Variants in RMC1 observed in about 807,000 individuals in gnomAD.
The protein encoded by RMC1 is regulator of MON1-CCZ1.
Under a neutral mutation model 95.5 loss-of-function variants are expected in RMC1, and 44 were observed. The ratio of observed to expected loss-of-function variants is 0.46; its 90% CI spans 0.36 to 0.59. The LOEUF is 0.59. RMC1 is among the 20% of genes least tolerant of loss of function. The probability of loss-of-function intolerance (pLI) is 0.00; values close to 1 mark genes in which losing one functional copy is unlikely to be tolerated. For missense variants in RMC1, 705 were observed against 819.6 expected (o/e 0.86, Z 1.71); for synonymous variants, 320 against 303.6 (o/e 1.05, Z -0.56).
In RMC1 at chr18:23,508,000, A is replaced by C. The variant is rs1689896207; in HGVS notation, c.280A>C (p.Ile94Leu). 1 of 1,610,786 alleles carries C rather than the reference A, an allele frequency of 6.2e-7. No individual in the cohort carries two copies. Among genetic ancestry groups the C allele is most frequent in the Non-Finnish European group, 8.5e-7 (1 of 1,178,774 alleles). ...TSKTVDFCNF[I>L]PDNSQLEYTQ... is the part of the protein sequence containing the mutation. ...TTCCTTTCAGGATTTTTGTAATTTT[A>C]TCCCTGATAATTCCCAGCTGGAATA... The change falls in exon 4 of 20, where the codon ATC (isoleucine) becomes CTC (leucine). Residue 94 changes from isoleucine to leucine, a missense_variant. Coordinates refer to ENST00000269221, the MANE Select transcript of RMC1 (RefSeq NM_013326.5).
chr18:23,527,986 T>G, intron 14 of RMC1, 85 bp downstream of exon 14: 1 of 1,136,692 alleles, frequency 8.8e-7, no homozygotes, highest in Admixed American at 2.6e-5. Flanking sequence ...CAAAATTGTT[T>G]CCTATATATT....
At chr18:23,507,645 T>G (rs1049683670) in intron 3 of RMC1, among the ~76,000 whole-genome samples, 9 of 152,222 alleles carry the variant, frequency 5.9e-5, no homozygotes, top group African/African-American at 2.2e-4. Flanking sequence ...GTTAGTTTCT[T>G]CCATCAGTTT....
intron 14 of RMC1, chr18:23,528,162 C>A: frequency 2.9e-6 from 1 of 350,116 alleles, no homozygotes; most frequent in East Asian, 5.5e-5. Context: ...TTGATCTTGC[C>A]TGTAGATCCT....
chr18:23,527,306 G>A (rs1484435936), intron 13 of RMC1, among the ~76,000 whole-genome samples: 5 of 151,994 alleles, frequency 3.3e-5, no homozygotes, highest in African/African-American at 1.2e-4. Flanking sequence ...GGCTGCCGAG[G>A]GAGGATTCCT....
chr18:23,530,711 T>TA, intron 19 of RMC1, 99 bp downstream of exon 19: 5 of 1,137,430 alleles, frequency 4.4e-6, no homozygotes, highest in Non-Finnish European at 6.2e-6. Flanking sequence ...AGCATTTTTG[T>TA]AAACAACACA....
intron 7 of RMC1, among the ~76,000 whole-genome samples, chr18:23,517,018 G>C (rs2058026420): frequency 6.6e-6 from 1 of 151,998 alleles, no homozygotes; most frequent in South Asian, 2.1e-4. Context: ...GAGCCACTGT[G>C]CCTGGCCAAG....
Position 23,507,967 on chromosome 18 carries a change from G to A in RMC1, c.265-18G>A, listed in dbSNP as rs564041813. 2 of 1,609,230 alleles carry A rather than the reference G, an allele frequency of 1.2e-6. No individual in the cohort carries two copies. Among genetic ancestry groups the A allele is most frequent in the East Asian group, 2.2e-5 (1 of 44,690 alleles). On this transcript the variant is annotated intron_variant, in intron 3 of 19. Coordinates refer to ENST00000269221, the MANE Select transcript of RMC1 (RefSeq NM_013326.5). ...GCCTAATCCAAATTTGTGTGTGTCTGTGTGTTTTTCCTTTCAGGATTTTTG... is the reference window on the plus strand; with the variant it reads ...GCCTAATCCAAATTTGTGTGTGTCTATGTGTTTTTCCTTTCAGGATTTTTG...
At chr18:23,512,762 A>C (rs193200803) in intron 5 of RMC1, among the ~76,000 whole-genome samples, 2 of 152,160 alleles carry the variant, frequency 1.3e-5, no homozygotes, top group Admixed American at 1.3e-4. Context: ...TGGTAAAAAA[A>C]CATACAACAT....
Position 23,503,624 on chromosome 18 carries a change from C to G in RMC1, c.6C>G (p.Gly2=). Residue 2 remains glycine, a synonymous_variant, in exon 1 of 20, where the codon GGC becomes GGG. Transcript: ENST00000269221. ...CCGCGGGCGCGGCGCCCGCCATGGG[C>G]GAGGAGGACTACTATCTGGAGCTGT... M[G]EEDYYLELCE... is the part of the protein sequence containing the mutation. 1.3e-6 allele frequency: 2 copies of G among 1,560,050 alleles called. No individual in the cohort carries two copies. The highest frequency in any genetic ancestry group is 1.7e-6 in the Non-Finnish European group (2 of 1,154,062).
Position 23,506,996 on chromosome 18 carries a change from G to C in RMC1, c.206G>C (p.Cys69Ser). 6.2e-7 allele frequency: 1 copy of C among 1,608,910 alleles called. No homozygotes were observed. The highest frequency in any genetic ancestry group is 2.2e-5 in the East Asian group (1 of 44,714). ...ATGGATGACAAAGGAGAAGTGAAGT[G>C]CATTAAGTTTTCCTTAGAAAATAAG... Reference protein sequence around the residue: ...FRMDDKGEVKCIKFSLENKIL... With the variant: ...FRMDDKGEVKSIKFSLENKIL... The change falls in exon 3 of 20, where the codon TGC becomes TCC. Residue 69 changes from cysteine (C) to serine (S), a missense_variant. Coordinates refer to ENST00000269221, the MANE Select transcript of RMC1 (RefSeq NM_013326.5).
rs1467386764 is a variant in RMC1, at chr18:23,530,491, T to A, written c.1773T>A (p.Ile591=). 1.9e-6 allele frequency: 3 copies of A among 1,614,142 alleles called. No homozygotes were observed. The highest frequency in any genetic ancestry group is 2.5e-6 in the Non-Finnish European group (3 of 1,180,060). ...FIRGIGGHDN[I]SARKFLDAAK... is the part of the protein sequence containing the mutation. ...GGGGCATTGGTGGCCATGACAACATTTCTGCACGAAAATTTTTAGATGCTG... is the reference window on the plus strand; with the variant it reads ...GGGGCATTGGTGGCCATGACAACATATCTGCACGAAAATTTTTAGATGCTG... The change falls in exon 19 of 20, where the codon ATT becomes ATA. Residue 591 remains isoleucine, a synonymous_variant. Transcript: ENST00000269221.
chr18:23,526,665 T>C lies in RMC1; in HGVS notation c.1089T>C (p.Leu363=). 6.2e-7 allele frequency: 1 copy of C among 1,614,162 alleles called. No homozygotes were observed. The highest frequency in any genetic ancestry group is 8.5e-7 in the Non-Finnish European group (1 of 1,180,006). Residue 363 remains leucine, a synonymous_variant, in exon 13 of 20, where the codon CTT becomes CTC. Coordinates refer to ENST00000269221, the MANE Select transcript of RMC1 (RefSeq NM_013326.5). ...QGYLWNLQVK[L]EPIVNLLPDK... ...ACCTCTGGAACCTCCAAGTGAAACT[T>C]GAGCCCATAGTAAATCTCTTACCAG...
At chr18:23,518,813 C>T in intron 7 of RMC1, 77 bp from the exon 8 acceptor site, 2 of 1,319,396 alleles carry the variant, frequency 1.5e-6, no homozygotes, top group Non-Finnish European at 2.2e-6. Context: ...TTATAATTTA[C>T]TTAACCGTGA....
chr18:23,505,542 C>G (rs1405582509), intron 2 of RMC1, among the ~76,000 whole-genome samples: 2 of 152,128 alleles, frequency 1.3e-5, no homozygotes, highest in African/African-American at 4.8e-5. Context: ...GCTTTATCTT[C>G]TTATTGAAAC....
intron 16 of RMC1, 62 bp downstream of exon 16, chr18:23,529,774 A>G (rs1567936247): frequency 2.7e-6 from 4 of 1,490,370 alleles, no homozygotes; most frequent in Non-Finnish European, 3.7e-6. Flanking sequence ...AAACACAGTC[A>G]CTGTCTTAGA....
Position 23,529,261 on chromosome 18 carries a change from T to C in RMC1, c.1379T>C (p.Val460Ala). Residue 460 changes from valine (V) to alanine (A), a missense_variant, in exon 15 of 20, where the codon GTG (valine) becomes GCG (alanine). Coordinates refer to ENST00000269221, the MANE Select transcript of RMC1 (RefSeq NM_013326.5). ...RTQAVLDQSDVYTHVLSAFVE... is the reference protein window; with the variant it reads ...RTQAVLDQSDAYTHVLSAFVE... ...CAGGCGGTGCTGGACCAGTCAGATG[T>C]GTACACCCATGTCCTGTCAGCCTTT... 1 of 1,613,932 alleles carries C rather than the reference T, an allele frequency of 6.2e-7. No individual in the cohort carries two copies. The highest frequency in any genetic ancestry group is 8.5e-7 in the Non-Finnish European group (1 of 1,180,000).
chr18:23,520,030 AAG>A (rs1300815072), intron 9 of RMC1, among the ~76,000 whole-genome samples, 170 bp from the exon 10 acceptor site: 1 of 152,202 alleles, frequency 6.6e-6, no homozygotes, highest in Non-Finnish European at 1.5e-5. Context: ...AAAATATTAA[AAG>A]AGAGTTGTGA....
At chr18:23,524,563 A>G in intron 12 of RMC1, 81 bp downstream of exon 12, 1 of 1,435,434 alleles carries the variant, frequency 7.0e-7, no homozygotes, top group South Asian at 1.2e-5. Context: ...GGACGTTTTC[A>G]AGGTGAATCT....
chr18:23,529,483 C>T (rs367604995), intron 15 of RMC1, 152 bp from the exon 16 acceptor site: 45 of 1,243,872 alleles, frequency 3.6e-5, no homozygotes, highest in South Asian at 1.3e-4. Context: ...TAATTGTTGA[C>T]GGGTGGTTCT....
Sources: allele counts gnomAD v4.1 joint callset (sites outside exome capture counted in the v4.1 genomes callset), GRCh38; gene constraint gnomAD v4.1.1; transcripts MANE v1.5; gene names NCBI Gene and HGNC (gene_info 2026-07-23, HGNC 2026-07-21).